Variants in TADA2A observed in about 807,000 individuals in gnomAD.
TADA2A encodes the protein transcriptional adapter 2-alpha.
Under a neutral mutation model 67.4 loss-of-function variants are expected in TADA2A, and 38 were observed. The ratio of observed to expected loss-of-function variants is 0.56; its 90% confidence interval spans 0.44 to 0.74. The LOEUF (loss-of-function observed/expected upper bound fraction) is 0.74. Among genes scored for constraint, TADA2A ranks in the 30% least tolerant of loss-of-function variants. The pLI is 0.00. For synonymous variants in TADA2A, 192 were observed against 181.6 expected (o/e 1.06, Z -0.46); for missense variants, 454 against 547.0 (o/e 0.83, Z 1.70).
chr17:37,409,231 G>A (rs916361553), intron 1 of TADA2A, among the ~76,000 whole-genome samples: 1 of 151,824 alleles, frequency 6.6e-6, no homozygotes, highest in South Asian at 2.1e-4. Flanking sequence ...GATTATAGGC[G>A]CCCGCCACCA....
chr17:37,431,318 A>G (rs952616682), intron 4 of TADA2A, among the ~76,000 whole-genome samples: 3 of 152,124 alleles, frequency 2.0e-5, no homozygotes, highest in Non-Finnish European at 2.9e-5. Flanking sequence ...TTGGCTCCAC[A>G]TGATGTACTT....
Position 37,465,468 on chromosome 17 carries a change from G to A in TADA2A, c.750G>A (p.Leu250=), listed in dbSNP as rs139151064. 6 of 1,613,958 alleles carry A rather than the reference G, an allele frequency of 3.7e-6. No homozygotes were observed. The African/African-American group carries it at 6.7e-5, about 18-fold the overall frequency. ...GGTATCCCAAGGAGGTCCAGGACCT[G>A]TATGAAACAATGAGGCGATTTGCAA... is the stretch of plus-strand genomic sequence containing the variant. ...ERRYPKEVQD[L]YETMRRFARI... Residue 250 remains leucine, a synonymous_variant, in exon 11 of 16, where the codon CTG becomes CTA. Coordinates refer to ENST00000615182, the MANE Select transcript of TADA2A (RefSeq NM_001166105.3).
At chr17:37,427,948 C>T (rs1391984948) in intron 4 of TADA2A, among the ~76,000 whole-genome samples, 1 of 151,896 alleles carries the variant, frequency 6.6e-6, no homozygotes, top group Non-Finnish European at 1.5e-5. Context: ...CACCACTGCA[C>T]TCCAGCCTGG....
chr17:37,463,646 CTTTATTA>C (rs528140783), intron 10 of TADA2A, among the ~76,000 whole-genome samples: 63 of 151,558 alleles, frequency 4.2e-4, no homozygotes, highest in Non-Finnish European at 7.8e-4. Context: ...ATTTTAGGTC[CTTTATTA>C]TTTATTTATT....
At chr17:37,462,250 A>G in intron 10 of TADA2A, 129 bp downstream of exon 10, 1 of 607,816 alleles carries the variant, frequency 1.6e-6, no homozygotes, top group South Asian at 2.3e-5. Flanking sequence ...AGACTAATGA[A>G]GTAAGAATCT....
chr17:37,435,830 C>T (rs902043202), intron 4 of TADA2A, among the ~76,000 whole-genome samples: 5 of 151,880 alleles, frequency 3.3e-5, no homozygotes, highest in Non-Finnish European at 5.9e-5. Context: ...TCCACCCACC[C>T]AGGTCTCCCA....
intron 2 of TADA2A, among the ~76,000 whole-genome samples, chr17:37,414,324 T>C (rs1380948548): frequency 6.6e-6 from 1 of 152,158 alleles, no homozygotes; most frequent in African/African-American, 2.4e-5. Flanking sequence ...TCCCTTCAAA[T>C]GGGCTCCTAC....
rs1413288465 is a variant in TADA2A at position 37,444,711 on chromosome 17, G to A, written c.547G>A (p.Ala183Thr). The change falls in exon 8 of 16, where the codon GCA becomes ACA. Residue 183 changes from alanine to threonine, a missense_variant. Around this residue, in one of 2 missense-constraint regions of TADA2A, gnomAD observed 403 missense variants for 455.5 expected, o/e 0.88. Transcript: ENST00000615182. ...CCCTAAACAGGAATTTGACAATTAT[G>A]CAGAATGGGACTTGAGAGACATTGA... The part of the protein sequence containing the change: ...ADFIEEFDNY[A>T]EWDLRDIDFV... The A allele has an allele frequency of 1.9e-6, 3 of 1,613,940 alleles. No individual in the cohort carries two copies. In the Admixed American group the frequency reaches 5.0e-5, roughly 27 times the overall value.
rs150698725 is a variant in TADA2A, at chr17:37,422,955, G to A, written c.26-554G>A. Among the ~76,000 whole-genome samples, 48 of 152,294 alleles carry A rather than the reference G, an allele frequency of 3.2e-4. 1 individual carries two copies. Among genetic ancestry groups the A allele is most frequent in the African/African-American group, 1.2e-3 (48 of 41,572 alleles). Reference sequence around the variant, plus strand: ...GAAACTTCCAGTTAAAAATGTGTTTGTGACTGGGCATGGTAGCTCATACCT... The same window carrying A: ...GAAACTTCCAGTTAAAAATGTGTTTATGACTGGGCATGGTAGCTCATACCT... On this transcript the variant is annotated intron_variant, in intron 2 of 15. Transcript: ENST00000615182.
chr17:37,467,615 T>A (rs564337498), intron 12 of TADA2A, 90 bp downstream of exon 12: 244 of 1,171,706 alleles, frequency 2.1e-4, no homozygotes, highest in African/African-American at 1.7e-3. Flanking sequence ...AATTTTTTTT[T>A]AAAAAACAAG....
At chr17:37,439,931 T>TG (rs2052852106) in intron 5 of TADA2A, among the ~76,000 whole-genome samples, 1 of 119,590 alleles carries the variant, frequency 8.4e-6, no homozygotes, top group Non-Finnish European at 1.6e-5. Context: ...TATTTATTTA[T>TG]TTATTTATTT....
In TADA2A at chr17:37,426,663, C is replaced by CAAA. The variant is rs1424101658; in HGVS notation, c.133-286_133-285insAAA. The CAAA allele has an allele frequency of 6.2e-4, 61 of 98,608 alleles. 2 individuals carry two copies. The highest frequency in any genetic ancestry group is 2.6e-3 in the South Asian group (9 of 3,506). 6.1% of individuals were successfully genotyped at this position (98,608 alleles called of 1,614,324 possible). A position where few individuals can be genotyped will look rare whatever the true frequency, so the allele number is the denominator to read the frequency against. On this transcript the variant is annotated intron_variant, in intron 3 of 15. Coordinates refer to ENST00000615182, the MANE Select transcript of TADA2A (RefSeq NM_001166105.3). ...TGGGTGAAAGAGCAAGACTCCGTCT[C>CAAA]AGAAAAAAAAAAAAAAAAAAAAAAA...
chr17:37,450,193 G>GGCCTAATGCTTC (rs781775647), intron 8 of TADA2A, among the ~76,000 whole-genome samples: 72 of 152,296 alleles, frequency 4.7e-4, no homozygotes, highest in Admixed American at 9.8e-4. Context: ...GGATAAGCTT[G>GGCCTAATGCTTC]GCCTAATGCT....
chr17:37,426,877 A>G lies in TADA2A; in HGVS notation c.133-73A>G, dbSNP rs903229787. On this transcript the variant is annotated intron_variant, in intron 3 of 15. Transcript: ENST00000615182. The stretch of plus-strand genomic sequence containing the variant: ...AAAATTTTAAAAACCCAAACTTGTC[A>G]GAAGAATAACACAAACCTCCTCTGT... The G allele has an allele frequency of 8.4e-6, 12 of 1,425,088 alleles. No individual in the cohort carries two copies. In the African/African-American group the frequency reaches 1.5e-4, roughly 17 times the overall value. The allele number at this position is 1,425,088 out of a possible 1,614,324, so 88.3% of individuals were successfully genotyped here. A position where few individuals can be genotyped will look rare whatever the true frequency, so the allele number is the denominator to read the frequency against.
intron 10 of TADA2A, among the ~76,000 whole-genome samples, chr17:37,464,967 T>G (rs939992458): frequency 6.6e-6 from 1 of 151,904 alleles, no homozygotes; most frequent in African/African-American, 2.4e-5. Flanking sequence ...GCCAATGTGG[T>G]GAAATTCCGT....
At chr17:37,459,024 C>T (rs896679854) in intron 9 of TADA2A, among the ~76,000 whole-genome samples, 2 of 152,068 alleles carry the variant, frequency 1.3e-5, no homozygotes, top group Non-Finnish European at 2.9e-5. Context: ...GAATGCTCCA[C>T]TTGTGACTCA....
chr17:37,429,280 C>T (rs1190892379), intron 4 of TADA2A, among the ~76,000 whole-genome samples: 4 of 151,954 alleles, frequency 2.6e-5, no homozygotes, highest in South Asian at 2.1e-4. Flanking sequence ...TACATTGGGC[C>T]TATCAGGGTA....
intron 3 of TADA2A, among the ~76,000 whole-genome samples, chr17:37,425,887 G>A (rs1262240709): frequency 6.7e-6 from 1 of 149,664 alleles, no homozygotes; most frequent in Non-Finnish European, 1.5e-5. Context: ...GAACTCTTGA[G>A]CTCAAGCAAT....
intron 14 of TADA2A, among the ~76,000 whole-genome samples, chr17:37,472,725 G>C (rs2053815562): frequency 6.6e-6 from 1 of 151,992 alleles, no homozygotes; most frequent in Non-Finnish European, 1.5e-5. Context: ...AGCTGGGTGT[G>C]GTGGTACACA....
Sources: allele counts gnomAD v4.1 joint callset (sites outside exome capture counted in the v4.1 genomes callset), GRCh38; gene constraint gnomAD v4.1.1; regional missense constraint gnomAD v4.1.1; transcripts MANE v1.5; gene names NCBI Gene and HGNC (gene_info 2026-07-23, HGNC 2026-07-21).